CMTM4: variants seen among roughly 807,000 people sequenced by gnomAD.
CMTM4 encodes the protein CKLF-like MARVEL transmembrane domain-containing protein 4.
A neutral mutation model predicts 19.0 loss-of-function variants in CMTM4; 8 were observed. The observed-to-expected ratio is 0.42, with a 90% CI of 0.25 to 0.76. CMTM4 has a LOEUF of 0.76. CMTM4 is among the 30% of genes least tolerant of loss of function. The pLI, the probability that CMTM4 is intolerant of heterozygous loss-of-function variation, is 0.27. For synonymous variants in CMTM4, 106 were observed against 121.1 expected (o/e 0.88, Z 0.82); for missense variants, 228 against 290.2 (o/e 0.79, Z 1.56).
Position 66,619,669 on chromosome 16 carries a change from G to A in CMTM4, c.*2389C>T, listed in dbSNP as rs1054734470. 4 of 985,294 alleles carry A rather than the reference G, an allele frequency of 4.1e-6. No individual in the cohort carries two copies. Among genetic ancestry groups the A allele is most frequent in the Non-Finnish European group, 3.6e-6 (3 of 829,924 alleles). 61.0% of individuals were successfully genotyped at this position (985,294 alleles called of 1,614,324 possible). A position where few individuals can be genotyped will look rare whatever the true frequency, so the allele number is the denominator to read the frequency against. On this transcript the variant is annotated 3_prime_UTR_variant, in exon 4 of 4. Coordinates refer to ENST00000394106, the MANE Select transcript of CMTM4 (RefSeq NM_181521.3). ...TTCCCTCCAGAACTTTCGTCACCAC[G>A]TGGTCTATACATGATGACATGTGCA...
At chr16:66,601,415 T>C in the CMTM4 span, among the ~76,000 whole-genome samples, 2 of 152,100 alleles carry the variant, frequency 1.3e-5, no homozygotes, top group African/African-American at 4.8e-5. Context: ...AGAGTGTGGC[T>C]CCTCTCTGTA....
At position 66,696,327 on chromosome 16, in the gene CMTM4, G is replaced by T. The variant is rs758898239; in HGVS notation, c.186+13C>A. 8 of 1,375,726 alleles carry T rather than the reference G, an allele frequency of 5.8e-6. No homozygotes were observed. Among genetic ancestry groups the T allele is most frequent in the Middle Eastern group, 2.7e-4 (1 of 3,708 alleles). 85.2% of individuals were successfully genotyped at this position (1,375,726 alleles called of 1,614,324 possible). On this transcript the variant is annotated intron_variant, in intron 1 of 3. Coordinates refer to ENST00000394106, the MANE Select transcript of CMTM4 (RefSeq NM_181521.3). This position sits in a 1 kb window ranked among gnomAD's most constrained non-coding sequence, Gnocchi z 4.3. ...GCCGCCCTCGGGCACCTGGGGCCCCGCCCGGCACCTACCACTTGGGCGACC... is the reference window on the plus strand; with the variant it reads ...GCCGCCCTCGGGCACCTGGGGCCCCTCCCGGCACCTACCACTTGGGCGACC...
intron 1 of CMTM4, among the ~76,000 whole-genome samples, chr16:66,637,976 T>C (rs2016028263): frequency 6.6e-6 from 1 of 152,220 alleles, no homozygotes; most frequent in African/African-American, 2.4e-5. Flanking sequence ...ATGATTAAAA[T>C]GCCAGCAGCA....
chr16:66,636,405 T>C lies in CMTM4; in HGVS notation c.363A>G (p.Thr121=). The part of the protein sequence containing the change: ...MRIPQINWNL[T]DLVNTGLSAF... ...GGCCAGAGTGGCCGCTTGTACTCACTGTCAGATTCCAGTTGATCTGGGGGA... is the reference window on the plus strand; with the variant it reads ...GGCCAGAGTGGCCGCTTGTACTCACCGTCAGATTCCAGTTGATCTGGGGGA... Residue 121 remains threonine (T), a splice_region_variant and synonymous_variant, in exon 2 of 4, where the codon ACA becomes ACG. Coordinates refer to ENST00000394106, the MANE Select transcript of CMTM4 (RefSeq NM_181521.3). 1 of 1,613,658 alleles carries C rather than the reference T, an allele frequency of 6.2e-7. No individual in the cohort carries two copies.
intron 2 of CMTM4, among the ~76,000 whole-genome samples, chr16:66,635,086 G>A (rs569714846): frequency 5.3e-5 from 8 of 152,308 alleles, no homozygotes; most frequent in Non-Finnish European, 1.2e-4. Context: ...TGCATCCATA[G>A]TATGAGCATT....
rs1179829096 is a variant in CMTM4, at chr16:66,618,309, T to C, written c.*3749A>G. ...CTCTGTAAACAAGATCTGGAGAAGATGACAGTCAGGCAGTGGCACAAAGAC... is the reference window on the plus strand; with the variant it reads ...CTCTGTAAACAAGATCTGGAGAAGACGACAGTCAGGCAGTGGCACAAAGAC... On this transcript the variant is annotated 3_prime_UTR_variant, in exon 4 of 4. Transcript: ENST00000394106. 1.0e-6 allele frequency: 1 copy of C among 985,350 alleles called. No individual in the cohort carries two copies. The highest frequency in any genetic ancestry group is 1.2e-6 in the Non-Finnish European group (1 of 829,928). The allele number at this position is 985,350 out of a possible 1,614,324, so 61.0% of individuals were successfully genotyped here. A position where few individuals can be genotyped will look rare whatever the true frequency, so the allele number is the denominator to read the frequency against.
At chr16:66,609,559 C>G in the CMTM4 span, 1 of 1,563,258 alleles carries the variant, frequency 6.4e-7, no homozygotes, top group Non-Finnish European at 8.7e-7. The surrounding 1 kb of genome is among the most constrained non-coding windows in gnomAD (Gnocchi z 4.4). Flanking sequence ...CCTCTGGAAA[C>G]TGCAGATGCC....
chr16:66,668,453 C>CT (rs1567424597), intron 1 of CMTM4, among the ~76,000 whole-genome samples: 1 of 152,042 alleles, frequency 6.6e-6, no homozygotes, highest in African/African-American at 2.4e-5. Flanking sequence ...CATGTTTTTG[C>CT]TTTTTCTTTA....
intron 1 of CMTM4, among the ~76,000 whole-genome samples, chr16:66,661,951 A>T (rs1034705584): frequency 6.6e-6 from 1 of 152,150 alleles, no homozygotes; most frequent in Non-Finnish European, 1.5e-5. Flanking sequence ...AAAATAAAAT[A>T]AAAATAAAAC....
chr16:66,628,308 C>A (rs1321647077), intron 2 of CMTM4, among the ~76,000 whole-genome samples: 3 of 152,176 alleles, frequency 2.0e-5, no homozygotes, highest in Non-Finnish European at 4.4e-5. Context: ...AGACCCTTTA[C>A]GGGTGTCGGG....
At chr16:66,604,829 C>CGACCCG in the CMTM4 span, 1 of 1,315,934 alleles carries the variant, frequency 7.6e-7, no homozygotes, top group African/African-American at 1.5e-5. Flanking sequence ...ACCCCGACCC[C>CGACCCG]GACCCGGACC....
At chr16:66,641,132 A>C (rs1039972628) in intron 1 of CMTM4, among the ~76,000 whole-genome samples, 2 of 152,078 alleles carry the variant, frequency 1.3e-5, no homozygotes, top group Non-Finnish European at 2.9e-5. Flanking sequence ...GCAACCTTGA[A>C]CTCCTAGACT....
the CMTM4 span, among the ~76,000 whole-genome samples, chr16:66,606,758 C>T: frequency 2.6e-5 from 4 of 152,124 alleles, no homozygotes; most frequent in Admixed American, 6.5e-5. Context: ...TTTAGGAGGC[C>T]GAGGTGGGTG....
the CMTM4 span, chr16:66,609,318 G>A: frequency 1.2e-6 from 1 of 846,318 alleles, no homozygotes; most frequent in Non-Finnish European, 1.9e-6. The surrounding 1 kb of genome is among the most constrained non-coding windows in gnomAD (Gnocchi z 4.4). Flanking sequence ...GGCCAGGATG[G>A]GATAGGAGCC....
At chr16:66,623,751 A>G (rs1596902785) in intron 2 of CMTM4, among the ~76,000 whole-genome samples, 1 of 152,236 alleles carries the variant, frequency 6.6e-6, no homozygotes, top group East Asian at 1.9e-4. Flanking sequence ...CTGAAGAAAT[A>G]GTAACCAAAA....
chr16:66,607,938 C>T, the CMTM4 span, among the ~76,000 whole-genome samples: 9 of 151,904 alleles, frequency 5.9e-5, no homozygotes, highest in Non-Finnish European at 5.9e-5. Context: ...TCGACCTCCC[C>T]GGGCTCAGGT....
downstream of CMTM4, chr16:66,613,010 T>G: frequency 1.4e-6 from 1 of 702,092 alleles, no homozygotes; most frequent in Non-Finnish European, 2.6e-6. Flanking sequence ...GGGGGTCTTC[T>G]GTTTCACTAA....
rs2015540262 is a variant in CMTM4 at position 66,617,119 on chromosome 16, G to A, written c.*4939C>T. On this transcript the variant is annotated 3_prime_UTR_variant, in exon 4 of 4. Transcript: ENST00000394106. Reference sequence around the variant, plus strand: ...GGGGGTCCAAGCCAAAGGCTCCCTGGCCTTTGTGTATTATGCATCCCAAAG... The same window carrying A: ...GGGGGTCCAAGCCAAAGGCTCCCTGACCTTTGTGTATTATGCATCCCAAAG... 1 of 640,452 alleles carries A rather than the reference G, an allele frequency of 1.6e-6. No individual in the cohort carries two copies. Among genetic ancestry groups the A allele is most frequent in the African/African-American group, 1.8e-5 (1 of 54,280 alleles). 39.7% of individuals were successfully genotyped at this position (640,452 alleles called of 1,614,324 possible).
At chr16:66,623,823 A>G (rs886995941) in intron 2 of CMTM4, among the ~76,000 whole-genome samples, 15 of 152,338 alleles carry the variant, frequency 9.8e-5, no homozygotes, top group African/African-American at 3.1e-4. Context: ...CACTCAAATC[A>G]TCTTGCTATG....
Sources: allele counts gnomAD v4.1 joint callset (sites outside exome capture counted in the v4.1 genomes callset), GRCh38; gene constraint gnomAD v4.1.1; non-coding constraint Gnocchi (gnomAD v3.1); transcripts MANE v1.5; gene names NCBI Gene and HGNC (gene_info 2026-07-23, HGNC 2026-07-21).